The following CNTN5 variants were observed in gnomAD, a reference collection of about 807,000 sequenced individuals.
CNTN5 encodes contactin 5.
Under a neutral mutation model 129.1 loss-of-function variants are expected in CNTN5, and 77 were observed. That is an observed-to-expected ratio of 0.60 (90% confidence interval 0.50 to 0.72). The LOEUF is 0.72. Among genes scored for constraint, CNTN5 ranks in the 30% least tolerant of loss-of-function variants. The probability of loss-of-function intolerance (pLI) is 0.00; values close to 1 mark genes in which losing one functional copy is unlikely to be tolerated. For missense variants in CNTN5, 1,478 were observed against 1,328.8 expected (o/e 1.11, Z -1.75); for synonymous variants, 509 against 465.6 (o/e 1.09, Z -1.20).
At chr11:99,914,468 AC>A (rs2136005480) in intron 6 of CNTN5, among the ~76,000 whole-genome samples, 1 of 152,270 alleles carries the variant, frequency 6.6e-6, no homozygotes, top group African/African-American at 2.4e-5. Flanking sequence ...ATTATCTCAT[AC>A]ATATGAAATT....
At chr11:99,813,646 G>GA (rs1200170516) in intron 3 of CNTN5, among the ~76,000 whole-genome samples, 1 of 152,044 alleles carries the variant, frequency 6.6e-6, no homozygotes, top group Non-Finnish European at 1.5e-5. Context: ...TTTAGATAGA[G>GA]AAAAATGTTT....
intron 3 of CNTN5, among the ~76,000 whole-genome samples, chr11:99,653,242 T>C (rs866007614): frequency 7.9e-5 from 12 of 152,118 alleles, no homozygotes; most frequent in African/African-American, 2.9e-4. Context: ...TAAACTGTAG[T>C]ACAAAGAATT....
intron 17 of CNTN5, among the ~76,000 whole-genome samples, chr11:100,257,665 C>T (rs1201706928): frequency 6.6e-6 from 1 of 152,140 alleles, no homozygotes; most frequent in African/African-American, 2.4e-5. Context: ...AGTGGACCTC[C>T]AGCAAACTCC....
chr11:100,288,227 G>C (rs1210077006), intron 18 of CNTN5, among the ~76,000 whole-genome samples: 1 of 152,068 alleles, frequency 6.6e-6, no homozygotes, highest in Non-Finnish European at 1.5e-5. Context: ...AGGATACCCA[G>C]GAATTGAACT....
At chr11:99,515,379 T>C (rs1208363375) in intron 2 of CNTN5, among the ~76,000 whole-genome samples, 1 of 152,080 alleles carries the variant, frequency 6.6e-6, no homozygotes, top group Non-Finnish European at 1.5e-5. Context: ...GTTCTGAATA[T>C]TTGAAATACT....
At chr11:99,233,507 TTA>T (rs1258574707) in intron 1 of CNTN5, among the ~76,000 whole-genome samples, 2 of 152,150 alleles carry the variant, frequency 1.3e-5, no homozygotes, top group Non-Finnish European at 2.9e-5. Context: ...TATTCTTTGT[TTA>T]TATATGGTGA....
chr11:100,056,004 T>A (rs1943205654), intron 9 of CNTN5, among the ~76,000 whole-genome samples: 1 of 151,816 alleles, frequency 6.6e-6, no homozygotes, highest in South Asian at 2.1e-4. Context: ...ATTCTGTATA[T>A]GAAGCTGTAA....
At chr11:99,528,139 A>G (rs1591222888) in intron 2 of CNTN5, among the ~76,000 whole-genome samples, 1 of 152,214 alleles carries the variant, frequency 6.6e-6, no homozygotes, top group East Asian at 1.9e-4. Flanking sequence ...ACCTTGAAAG[A>G]TCAAAATCCT....
intron 1 of CNTN5, among the ~76,000 whole-genome samples, chr11:99,156,147 A>T (rs748327114): frequency 2.8e-4 from 42 of 152,122 alleles, no homozygotes; most frequent in Non-Finnish European, 4.7e-4. Flanking sequence ...GATAAGTGAC[A>T]GACTATATTA....
intron 3 of CNTN5, among the ~76,000 whole-genome samples, chr11:99,718,617 A>C (rs1222336324): frequency 1.3e-5 from 2 of 152,178 alleles, no homozygotes; most frequent in Admixed American, 1.3e-4. Flanking sequence ...TTAGGAGCAC[A>C]CATCTAAATT....
intron 1 of CNTN5, among the ~76,000 whole-genome samples, chr11:99,178,379 G>A (rs1343066573): frequency 6.8e-6 from 1 of 147,682 alleles, no homozygotes; most frequent in African/African-American, 2.5e-5. Context: ...AAATTAGCCA[G>A]GTGTGGGGCT....
At chr11:99,369,316 C>A (rs1385229888) in intron 2 of CNTN5, among the ~76,000 whole-genome samples, 2 of 126,604 alleles carry the variant, frequency 1.6e-5, no homozygotes, top group Non-Finnish European at 3.5e-5. Context: ...AAGAAGGAAC[C>A]TTTGTAACAT....
At chr11:100,106,811 A>C (rs1945451871) in intron 13 of CNTN5, among the ~76,000 whole-genome samples, 2 of 152,272 alleles carry the variant, frequency 1.3e-5, no homozygotes, top group South Asian at 4.1e-4. Flanking sequence ...GTAATAGAAA[A>C]ATGTTATTAG....
At chr11:100,043,384 T>G (rs1942480105) in intron 9 of CNTN5, among the ~76,000 whole-genome samples, 1 of 152,188 alleles carries the variant, frequency 6.6e-6, no homozygotes, top group Non-Finnish European at 1.5e-5. Context: ...ACTCTATCAA[T>G]TTTTACAAAT....
intron 7 of CNTN5, among the ~76,000 whole-genome samples, chr11:99,927,938 T>C (rs1207405135): frequency 6.6e-6 from 1 of 152,186 alleles, no homozygotes; most frequent in Non-Finnish European, 1.5e-5. Context: ...TATGAGCCTC[T>C]AACATCAAAA....
At chr11:100,015,043 T>C (rs1165905636) in intron 9 of CNTN5, among the ~76,000 whole-genome samples, 1 of 152,168 alleles carries the variant, frequency 6.6e-6, no homozygotes, top group East Asian at 1.9e-4. Context: ...TTGATTACCA[T>C]AAATGTCTCT....
chr11:99,670,985 TC>T (rs1953010894), intron 3 of CNTN5, among the ~76,000 whole-genome samples: 1 of 152,138 alleles, frequency 6.6e-6, no homozygotes, highest in Non-Finnish European at 1.5e-5. Flanking sequence ...TGTTTGACAC[TC>T]CCCAGGCTAG....
chr11:100,346,213 A>G (rs1288560226), intron 23 of CNTN5, among the ~76,000 whole-genome samples: 2 of 152,162 alleles, frequency 1.3e-5, no homozygotes, highest in African/African-American at 4.8e-5. Context: ...TACAACTCCT[A>G]TAATTTGGGG....
At chr11:99,521,003 T>C (rs1947255684) in intron 2 of CNTN5, among the ~76,000 whole-genome samples, 1 of 152,124 alleles carries the variant, frequency 6.6e-6, no homozygotes, top group South Asian at 2.1e-4. Context: ...TTCAGATTAA[T>C]TATATCCTTT....
Sources: allele counts gnomAD v4.1 joint callset (sites outside exome capture counted in the v4.1 genomes callset), GRCh38; gene constraint gnomAD v4.1.1; transcripts MANE v1.5; gene names NCBI Gene and HGNC (gene_info 2026-07-23, HGNC 2026-07-21).